The following CDH13 variants were observed in gnomAD, a reference collection of about 807,000 sequenced individuals.
The protein encoded by CDH13 is cadherin 13.
In CDH13, 24 loss-of-function variants were observed where a neutral mutation model predicts 63.8. That is an observed-to-expected ratio of 0.38 (90% CI 0.27 to 0.53). CDH13 has a LOEUF of 0.53. Ranked by LOEUF, CDH13 falls within the 20% of genes least tolerant of loss-of-function variation. The pLI is 0.85. For missense variants in CDH13, 1,049 were observed against 903.1 expected (o/e 1.16, Z -2.07); for synonymous variants, 503 against 355.3 (o/e 1.42, Z -4.67).
chr16:82,698,890 C>CT (rs1034191521), intron 1 of CDH13, among the ~76,000 whole-genome samples: 112 of 151,580 alleles, frequency 7.4e-4, no homozygotes, highest in African/African-American at 2.1e-3. Context: ...GTTCTATATT[C>CT]TTTTTTTACT....
chr16:83,617,586 T>C (rs1909398737), intron 8 of CDH13, among the ~76,000 whole-genome samples: 1 of 151,422 alleles, frequency 6.6e-6, no homozygotes, highest in South Asian at 2.1e-4. Context: ...AATTCTAATA[T>C]ATATCTATTC....
At chr16:82,804,034 C>T (rs142992830) in intron 1 of CDH13, among the ~76,000 whole-genome samples, 8,459 of 152,144 alleles carry the variant, frequency 0.056, 290 homozygotes, top group Non-Finnish European at 0.068. Flanking sequence ...TCGAGACCAG[C>T]CTGACCAACA....
chr16:82,679,060 C>T (rs986533809), intron 1 of CDH13, among the ~76,000 whole-genome samples: 1 of 152,134 alleles, frequency 6.6e-6, no homozygotes, highest in African/African-American at 2.4e-5. Context: ...TAGAAAGTGC[C>T]TCAGAAATGT....
At chr16:83,050,517 G>T (rs1420796244) in intron 3 of CDH13, among the ~76,000 whole-genome samples, 1 of 151,990 alleles carries the variant, frequency 6.6e-6, no homozygotes. Context: ...TCTTCCTCTA[G>T]TTCTTCTTCT....
chr16:83,378,642 CTTA>C (rs988065303), intron 6 of CDH13, among the ~76,000 whole-genome samples: 45 of 152,210 alleles, frequency 3.0e-4, no homozygotes, highest in African/African-American at 1.0e-3. Flanking sequence ...ATCTCTGTTT[CTTA>C]TTATCATATT....
At chr16:83,112,400 AAGAG>A (rs2035100870) in intron 3 of CDH13, among the ~76,000 whole-genome samples, 1 of 152,238 alleles carries the variant, frequency 6.6e-6, no homozygotes, top group South Asian at 2.1e-4. Flanking sequence ...CAGAGAGAAA[AAGAG>A]AGAGGAAGTT....
chr16:83,319,872 C>T (rs914034396), intron 5 of CDH13, among the ~76,000 whole-genome samples: 3 of 152,134 alleles, frequency 2.0e-5, no homozygotes, highest in East Asian at 3.8e-4. Context: ...CAGTTCTTCA[C>T]CTGCTCGTTC....
At chr16:83,503,816 C>T (rs1407623531) in intron 7 of CDH13, among the ~76,000 whole-genome samples, 3 of 151,950 alleles carry the variant, frequency 2.0e-5, no homozygotes, top group Admixed American at 1.3e-4. Context: ...GGGTAGATTG[C>T]AAAAATTTTC....
intron 1 of CDH13, among the ~76,000 whole-genome samples, chr16:82,699,463 G>C (rs1819307247): frequency 6.6e-6 from 1 of 152,232 alleles, no homozygotes; most frequent in Non-Finnish European, 1.5e-5. Flanking sequence ...GGCAAAGAAG[G>C]TGAGGCAGCC....
At chr16:82,689,084 A>G (rs934370144) in intron 1 of CDH13, 1 of 152,124 alleles carries the variant, frequency 6.6e-6, no homozygotes, top group East Asian at 1.9e-4. Flanking sequence ...GGGCAATAAC[A>G]TGTATAAAGT....
At chr16:83,758,395 A>T (rs1913688181) in intron 11 of CDH13, among the ~76,000 whole-genome samples, 1 of 152,270 alleles carries the variant, frequency 6.6e-6, no homozygotes, top group East Asian at 1.9e-4. Context: ...AAAAAAATTC[A>T]TGTTGATTTC....
chr16:82,672,768 T>TACACACACACAC (rs58819198), intron 1 of CDH13, among the ~76,000 whole-genome samples: 7 of 144,566 alleles, frequency 4.8e-5, no homozygotes, highest in African/African-American at 1.5e-4. Flanking sequence ...TATATATGTG[T>TACACACACACAC]ACACACACAC....
chr16:83,255,450 A>G (rs544240030), intron 5 of CDH13, among the ~76,000 whole-genome samples: 1 of 152,332 alleles, frequency 6.6e-6, no homozygotes, highest in South Asian at 2.1e-4. Context: ...AAATGTCTTC[A>G]TGAGCATATT....
chr16:83,013,177 C>T (rs937603694), intron 2 of CDH13, among the ~76,000 whole-genome samples: 1 of 152,218 alleles, frequency 6.6e-6, no homozygotes, highest in Non-Finnish European at 1.5e-5. Context: ...TATTCTGTTG[C>T]AACTATCCAA....
intron 7 of CDH13, among the ~76,000 whole-genome samples, chr16:83,555,254 A>G (rs2075579861): frequency 6.6e-6 from 1 of 152,196 alleles, no homozygotes; most frequent in Non-Finnish European, 1.5e-5. Context: ...GCACAGAAAC[A>G]GGCATAGGGG....
At chr16:83,430,399 A>G (rs1258264839) in intron 6 of CDH13, among the ~76,000 whole-genome samples, 6 of 152,234 alleles carry the variant, frequency 3.9e-5, no homozygotes. Flanking sequence ...GAATAAATGA[A>G]AAACCTGATT....
intron 1 of CDH13, among the ~76,000 whole-genome samples, chr16:82,701,073 G>T (rs905457207): frequency 6.7e-6 from 1 of 148,614 alleles, no homozygotes; most frequent in African/African-American, 2.5e-5. Flanking sequence ...TCCTCTTCCT[G>T]TTTTTTTCTC....
At chr16:83,086,194 A>C (rs1384270191) in intron 3 of CDH13, among the ~76,000 whole-genome samples, 1 of 152,228 alleles carries the variant, frequency 6.6e-6, no homozygotes, top group East Asian at 1.9e-4. Context: ...CAAAAATAAG[A>C]GAGCGGTTTT....
At chr16:83,229,126 C>T (rs1567523114) in intron 5 of CDH13, among the ~76,000 whole-genome samples, 2 of 152,170 alleles carry the variant, frequency 1.3e-5, no homozygotes. Context: ...CTAAGGAAGC[C>T]TCAGCCTCAG....
Sources: allele counts gnomAD v4.1 joint callset (sites outside exome capture counted in the v4.1 genomes callset), GRCh38; gene constraint gnomAD v4.1.1; transcripts MANE v1.5; gene names NCBI Gene and HGNC (gene_info 2026-07-23, HGNC 2026-07-21).